TANC2: variants seen among roughly 807,000 people sequenced by gnomAD.
The protein encoded by TANC2 is tetratricopeptide repeat, ankyrin repeat and coiled-coil containing 2, also known as protein TANC2.
A neutral mutation model predicts 210.5 loss-of-function variants in TANC2; 26 were observed. That is an observed-to-expected ratio of 0.12 (90% CI 0.09 to 0.17). The LOEUF (loss-of-function observed/expected upper bound fraction) is 0.17. TANC2 is among the 10% of genes least tolerant of loss of function. The probability of loss-of-function intolerance (pLI) is 1.00; values close to 1 mark genes in which losing one functional copy is unlikely to be tolerated. For missense variants in TANC2, 2,129 were observed against 2,608.9 expected (o/e 0.82, Z 4.01); for synonymous variants, 931 against 967.1 (o/e 0.96, Z 0.69).
intron 1 of TANC2, among the ~76,000 whole-genome samples, chr17:62,995,008 C>CATA (rs1568303064): frequency 2.0e-5 from 3 of 152,160 alleles, no homozygotes; most frequent in Non-Finnish European, 4.4e-5. Flanking sequence ...AAAGATGATG[C>CATA]AATACTTTGG....
intron 3 of TANC2, among the ~76,000 whole-genome samples, chr17:63,080,605 T>A (rs2036736996): frequency 6.6e-6 from 1 of 152,194 alleles, no homozygotes; most frequent in South Asian, 2.1e-4. Flanking sequence ...AATTGTCAAA[T>A]ATACTATATT....
chr17:63,185,643 G>A (rs948790964), intron 5 of TANC2, among the ~76,000 whole-genome samples: 4 of 152,176 alleles, frequency 2.6e-5, no homozygotes, highest in Admixed American at 2.6e-4. Context: ...GTGTTTCAGT[G>A]TTCCTTTGCC....
chr17:63,203,670 GA>G (rs960883094), intron 7 of TANC2, among the ~76,000 whole-genome samples: 1 of 152,098 alleles, frequency 6.6e-6, no homozygotes, highest in Non-Finnish European at 1.5e-5. Flanking sequence ...GAAGTTTTGG[GA>G]AAAGAATAAT....
intron 9 of TANC2, among the ~76,000 whole-genome samples, chr17:63,272,139 T>G (rs1009379149): frequency 6.6e-6 from 1 of 152,198 alleles, no homozygotes; most frequent in Non-Finnish European, 1.5e-5. Flanking sequence ...TCTTATGTGG[T>G]GTAAGGAAGG....
intron 9 of TANC2, among the ~76,000 whole-genome samples, chr17:63,278,969 A>T (rs115482795): frequency 1.3e-5 from 2 of 152,096 alleles, no homozygotes; most frequent in Admixed American, 6.6e-5. Context: ...TTCCTGTTCA[A>T]TGGGTATAAA....
intron 2 of TANC2, among the ~76,000 whole-genome samples, chr17:63,032,723 T>G (rs982460659): frequency 1.3e-5 from 2 of 152,158 alleles, no homozygotes; most frequent in African/African-American, 2.4e-5. Flanking sequence ...AAGAACAACT[T>G]GTTCTATACT....
chr17:63,167,464 AGTTT>A (rs1278744095), intron 5 of TANC2, among the ~76,000 whole-genome samples: 1 of 152,094 alleles, frequency 6.6e-6, no homozygotes, highest in Non-Finnish European at 1.5e-5. Context: ...TTTCTAACTT[AGTTT>A]ATTTCATTTT....
chr17:63,156,698 C>T (rs2039850561), intron 5 of TANC2, among the ~76,000 whole-genome samples: 1 of 151,922 alleles, frequency 6.6e-6, no homozygotes, highest in African/African-American at 2.4e-5. Flanking sequence ...CTTTCCTATC[C>T]ATGTAAGTTC....
chr17:63,155,784 T>G (rs780470983), intron 5 of TANC2, among the ~76,000 whole-genome samples: 2 of 152,188 alleles, frequency 1.3e-5, no homozygotes, highest in Non-Finnish European at 2.9e-5. Flanking sequence ...GAGAAAACAG[T>G]TTGATTACAG....
chr17:63,314,459 A>G (rs1598836188), exon 10 of TANC2: 1 of 1,613,956 alleles, frequency 6.2e-7, no homozygotes, highest in Non-Finnish European at 8.5e-7. Flanking sequence ...CAGCATCACT[A>G]CAGAGTCAGT....
intron 2 of TANC2, among the ~76,000 whole-genome samples, chr17:63,032,934 A>G (rs1360501791): frequency 2.0e-5 from 3 of 152,128 alleles, no homozygotes; most frequent in Non-Finnish European, 1.5e-5. Context: ...ACAAGCTATA[A>G]TTTCTAGGTG....
intron 14 of TANC2, among the ~76,000 whole-genome samples, chr17:63,356,151 C>G (rs576299319): frequency 6.6e-6 from 1 of 152,136 alleles, no homozygotes; most frequent in Non-Finnish European, 1.5e-5. Context: ...TGAGCTTGAA[C>G]CTGACTTGAG....
At chr17:63,279,544 T>C (rs2043996995) in intron 9 of TANC2, among the ~76,000 whole-genome samples, 2 of 152,038 alleles carry the variant, frequency 1.3e-5, no homozygotes, top group South Asian at 2.1e-4. Flanking sequence ...TAAATTAAGA[T>C]ATATAGAGAG....
chr17:63,172,848 G>A (rs917434641), intron 5 of TANC2, among the ~76,000 whole-genome samples: 1 of 152,140 alleles, frequency 6.6e-6, no homozygotes. Context: ...CTACAACTAT[G>A]ACTTCTTAAT....
At chr17:63,096,824 C>T (rs779480085) in intron 3 of TANC2, among the ~76,000 whole-genome samples, 32 of 152,196 alleles carry the variant, frequency 2.1e-4, no homozygotes, top group Non-Finnish European at 3.7e-4. Context: ...GAGGAACCAC[C>T]GTCTTACATT....
At chr17:63,322,361 G>C (rs1000766535) in intron 11 of TANC2, among the ~76,000 whole-genome samples, 2 of 152,132 alleles carry the variant, frequency 1.3e-5, no homozygotes, top group African/African-American at 4.8e-5. Flanking sequence ...AGCCGGGCGT[G>C]GTGGCGGGCG....
At chr17:63,148,483 A>G (rs180697688) in intron 4 of TANC2, 55 of 152,274 alleles carry the variant, frequency 3.6e-4, no homozygotes, top group African/African-American at 1.2e-3. Context: ...TAGATTTTTC[A>G]GATCACTCTA....
At chr17:63,289,126 G>C (rs527617840) in intron 9 of TANC2, among the ~76,000 whole-genome samples, 46 of 152,098 alleles carry the variant, frequency 3.0e-4, no homozygotes, top group Non-Finnish European at 5.1e-4. Context: ...GTTCTTTATC[G>C]TAGTTTCAAA....
At chr17:63,384,868 G>T (rs1339235925) in intron 15 of TANC2, among the ~76,000 whole-genome samples, 2 of 152,172 alleles carry the variant, frequency 1.3e-5, no homozygotes, top group African/African-American at 4.8e-5. Flanking sequence ...GCAATCAGCT[G>T]TTTTGTCTGT....
Sources: allele counts gnomAD v4.1 joint callset (sites outside exome capture counted in the v4.1 genomes callset), GRCh38; gene constraint gnomAD v4.1.1; transcripts MANE v1.5; gene names NCBI Gene and HGNC (gene_info 2026-07-23, HGNC 2026-07-21).